Variants in ELMO1 observed in about 807,000 individuals in gnomAD.
The protein encoded by ELMO1 is engulfment and cell motility protein 1.
A neutral mutation model predicts 98.9 loss-of-function variants in ELMO1; 26 were observed. The ratio of observed to expected loss-of-function variants is 0.26; its 90% CI spans 0.19 to 0.36. The LOEUF is 0.36. ELMO1 is among the 10% of genes least tolerant of loss of function. The pLI, the probability that ELMO1 is intolerant of heterozygous loss-of-function variation, is 1.00. For synonymous variants in ELMO1, 346 were observed against 346.0 expected, an observed-to-expected ratio of 1.00 and a Z score of 0.00; for missense variants, 627 against 935.2, an observed-to-expected ratio of 0.67 and a Z score of 4.30.
At chr7:37,225,143 G>A (rs1391503826) in intron 8 of ELMO1, 113 bp from the exon 9 acceptor site, 2 of 1,263,418 alleles carry the variant, frequency 1.6e-6, no homozygotes, top group Admixed American at 4.4e-5. Context: ...CAGGCACTGA[G>A]GATGACCTGG....
At chr7:37,195,374 A>C (rs936171922) in intron 13 of ELMO1, among the ~76,000 whole-genome samples, 3 of 152,248 alleles carry the variant, frequency 2.0e-5, no homozygotes, top group African/African-American at 7.2e-5. Context: ...TCAACACATT[A>C]GTCTCTTATT....
chr7:36,988,010 G>T (rs1032844811), intron 16 of ELMO1, among the ~76,000 whole-genome samples: 2 of 152,168 alleles, frequency 1.3e-5, no homozygotes, highest in Non-Finnish European at 2.9e-5. Context: ...CATCCACCTT[G>T]GCCTCCCAAA....
rs374154004 is a variant in ELMO1, at chr7:36,865,556, T to C, written c.1906-3820A>G. 1.6e-4 allele frequency among the ~76,000 whole-genome samples: 24 copies of C among 152,322 alleles called. 1 individual carries two copies. In the East Asian group the frequency reaches 3.7e-3, roughly 23 times the overall value. ...ATACTCTGAATTCAACATTCCCAAT[T>C]AGAGGATGCTTTTCACATGAGCAAA... is the stretch of plus-strand genomic sequence containing the variant. On this transcript the variant is annotated intron_variant, in intron 20 of 21. Transcript: ENST00000310758.
chr7:37,116,333 A>C (rs1377951524), intron 14 of ELMO1, among the ~76,000 whole-genome samples: 1 of 152,232 alleles, frequency 6.6e-6, no homozygotes, highest in African/African-American at 2.4e-5. Flanking sequence ...GGCTTGTCAC[A>C]GAGCAGGTAC....
intron 14 of ELMO1, among the ~76,000 whole-genome samples, chr7:37,113,683 G>A (rs193301688): frequency 3.3e-5 from 5 of 152,306 alleles, no homozygotes; most frequent in Non-Finnish European, 5.9e-5. Flanking sequence ...GCTCCAACCC[G>A]CTGTATAGCA....
chr7:36,962,778 T>G lies in ELMO1; in HGVS notation c.1437+50521A>C, dbSNP rs990731764. Among the ~76,000 whole-genome samples, 6 of 152,086 alleles carry G rather than the reference T, an allele frequency of 3.9e-5. No homozygotes were observed. In the South Asian group the frequency reaches 8.3e-4, roughly 21 times the overall value. The stretch of plus-strand genomic sequence containing the variant: ...TTCTGCAAAAAGGAAAGCTTAGCAT[T>G]GTCTGCAGTTAGCATCAATAAACAA... On this transcript the variant is annotated intron_variant, in intron 16 of 21. Transcript: ENST00000310758.
At position 37,032,171 on chromosome 7, in the gene ELMO1, C is replaced by T. The variant is rs1794920439; in HGVS notation, c.1301-18736G>A. Among the ~76,000 whole-genome samples the T allele has an allele frequency of 2.6e-5, 4 of 152,246 alleles. No individual in the cohort carries two copies. The South Asian group carries it at 8.3e-4, about 32-fold the overall frequency. On this transcript the variant is annotated intron_variant, in intron 15 of 21. Coordinates refer to ENST00000310758, the MANE Select transcript of ELMO1 (RefSeq NM_014800.11). ...ACGGTGACTCAGAAGAGATGACTCA[C>T]AGTTCACGCTTATGACAAAAAGAAC...
chr7:36,912,900 CCT>C (rs1460562427), intron 16 of ELMO1, among the ~76,000 whole-genome samples: 3 of 152,158 alleles, frequency 2.0e-5, no homozygotes, highest in Non-Finnish European at 2.9e-5. Context: ...ATATTAGTTT[CCT>C]CTGTTTTTCT....
chr7:37,325,596 A>G (rs777825177), intron 2 of ELMO1, among the ~76,000 whole-genome samples: 1 of 152,182 alleles, frequency 6.6e-6, no homozygotes, highest in Non-Finnish European at 1.5e-5. Flanking sequence ...GTCCTAGACT[A>G]TTAAAAAGCA....
intron 6 of ELMO1, among the ~76,000 whole-genome samples, chr7:37,257,765 A>C (rs1395598643): frequency 6.9e-6 from 1 of 144,504 alleles, no homozygotes; most frequent in Admixed American, 6.9e-5. Context: ...ATCTTGGGAG[A>C]CCGAGGTGGG....
intron 16 of ELMO1, among the ~76,000 whole-genome samples, chr7:36,953,839 T>G (rs1176476404): frequency 2.2e-5 from 3 of 136,188 alleles, no homozygotes; most frequent in East Asian, 4.2e-4. Flanking sequence ...TGGGTATGTT[T>G]TGTGTGTGTG....
At chr7:37,339,008 T>G (rs746270981) in intron 2 of ELMO1, among the ~76,000 whole-genome samples, 10 of 152,324 alleles carry the variant, frequency 6.6e-5, no homozygotes, top group Admixed American at 5.9e-4. Context: ...TGAGCAGAAT[T>G]GAGCACCTGA....
chr7:36,922,646 A>C (rs1785241478), intron 16 of ELMO1, among the ~76,000 whole-genome samples: 1 of 152,234 alleles, frequency 6.6e-6, no homozygotes, highest in East Asian at 1.9e-4. Context: ...CTTATAAATG[A>C]ATATGACTTA....
Position 37,128,992 on chromosome 7 carries a change from T to C in ELMO1, c.1191+4138A>G, listed in dbSNP as rs572709240. ...ATCCGGGTAGAGGGTCAGGAAGTCT[T>C]CTTCAGACAGAACATGGCCTTTGCC... is the stretch of plus-strand genomic sequence containing the variant. On this transcript the variant is annotated intron_variant, in intron 14 of 21. Coordinates refer to ENST00000310758, the MANE Select transcript of ELMO1 (RefSeq NM_014800.11). 2.6e-5 allele frequency among the ~76,000 whole-genome samples: 4 copies of C among 152,174 alleles called. No individual in the cohort carries two copies. In the East Asian group the frequency reaches 7.8e-4, roughly 30 times the overall value.
At chr7:37,021,419 C>A (rs1270564073) in intron 15 of ELMO1, among the ~76,000 whole-genome samples, 2 of 152,046 alleles carry the variant, frequency 1.3e-5, no homozygotes, top group Non-Finnish European at 2.9e-5. Flanking sequence ...TTCCCTTGGG[C>A]CTTTTTTGAG....
Position 36,951,899 on chromosome 7 carries a change from G to A in ELMO1, c.1438-56882C>T, listed in dbSNP as rs1249830051. Among the ~76,000 whole-genome samples the A allele has an allele frequency of 2.0e-5, 3 of 152,196 alleles. No individual in the cohort carries two copies. In the East Asian group the frequency reaches 5.8e-4, roughly 29 times the overall value. On this transcript the variant is annotated intron_variant, in intron 16 of 21. Coordinates refer to ENST00000310758, the MANE Select transcript of ELMO1 (RefSeq NM_014800.11). ...TGCTGCAGAGCCTGGCATACAGCAG[G>A]CACTCAATAGATGTTTACTGAAGAA...
At chr7:37,281,455 G>T (rs554262391) in intron 4 of ELMO1, among the ~76,000 whole-genome samples, 2 of 152,278 alleles carry the variant, frequency 1.3e-5, no homozygotes, top group Admixed American at 6.5e-5. Flanking sequence ...TTCCATGAAA[G>T]CAAAGAATGT....
intron 1 of ELMO1, among the ~76,000 whole-genome samples, chr7:37,447,778 A>C (rs1266365359): frequency 1.4e-5 from 2 of 143,858 alleles, no homozygotes; most frequent in Non-Finnish European, 3.0e-5. Flanking sequence ...GCGGCACAGC[A>C]CCGACTTCCC....
At chr7:37,079,097 T>G (rs558216341) in intron 15 of ELMO1, among the ~76,000 whole-genome samples, 1 of 152,202 alleles carries the variant, frequency 6.6e-6, no homozygotes, top group Non-Finnish European at 1.5e-5. Flanking sequence ...AGGAAATTAT[T>G]AAGATGTGTG....
Sources: gnomAD v4.1 joint callset for allele counts (sites outside exome capture counted in the v4.1 genomes callset) on GRCh38, gnomAD v4.1.1 for gene constraint, MANE v1.5 for transcripts, NCBI Gene and HGNC (gene_info 2026-07-23, HGNC 2026-07-21) for gene names.